The following ALPK2 variants were observed in gnomAD, a reference collection of about 807,000 sequenced individuals.
The protein encoded by ALPK2 is alpha-protein kinase 2.
ALPK2 carries 127 observed loss-of-function variants against 163.1 expected under a neutral mutation model. The ratio of observed to expected loss-of-function variants is 0.78; its 90% CI spans 0.67 to 0.90. The LOEUF is 0.90. Among genes scored for constraint, ALPK2 ranks in the 40% least tolerant of loss-of-function variants. ALPK2 has a pLI of 0.00. For synonymous variants in ALPK2, 953 were observed against 959.1 expected (o/e 0.99, Z 0.12); for missense variants, 2,360 against 2,589.6 (o/e 0.91, Z 1.92).
intron 12 of ALPK2, among the ~76,000 whole-genome samples, 177 bp from the exon 13 acceptor site, chr18:58,482,216 G>T (rs543202203): frequency 6.6e-6 from 1 of 152,160 alleles, no homozygotes; most frequent in Admixed American, 6.5e-5. Flanking sequence ...AACAAAGACT[G>T]TGGAAATAAG....
intron 4 of ALPK2, among the ~76,000 whole-genome samples, chr18:58,562,704 G>T (rs2051831227): frequency 6.6e-6 from 1 of 152,230 alleles, no homozygotes; most frequent in South Asian, 2.1e-4. Flanking sequence ...CGTATATTGG[G>T]TGGCTTAAAT....
chr18:58,604,654 C>T (rs370811205), intron 3 of ALPK2, among the ~76,000 whole-genome samples: 7 of 152,314 alleles, frequency 4.6e-5, no homozygotes, highest in African/African-American at 1.4e-4. Context: ...CAGGGCTCTA[C>T]CAACATTTCT....
At chr18:58,560,515 C>T (rs775882523) in intron 4 of ALPK2, among the ~76,000 whole-genome samples, 7 of 152,166 alleles carry the variant, frequency 4.6e-5, no homozygotes, top group South Asian at 2.1e-4. Flanking sequence ...CTTCTCTGAC[C>T]GATGCTCCTG....
intron 5 of ALPK2, among the ~76,000 whole-genome samples, chr18:58,529,459 A>C (rs1216571543): frequency 6.6e-6 from 1 of 152,218 alleles, no homozygotes; most frequent in Non-Finnish European, 1.5e-5. Context: ...AAAATTCTTT[A>C]GGTGCAGCCT....
At chr18:58,483,368 A>G (rs2144091438) in intron 12 of ALPK2, among the ~76,000 whole-genome samples, 2 of 152,182 alleles carry the variant, frequency 1.3e-5, no homozygotes, top group Middle Eastern at 3.4e-3. Flanking sequence ...AAATTCCTGA[A>G]ACTGCCTGTG....
intron 4 of ALPK2, among the ~76,000 whole-genome samples, chr18:58,568,344 T>C (rs138404175): frequency 3.7e-4 from 56 of 152,308 alleles, no homozygotes; most frequent in African/African-American, 1.3e-3. Flanking sequence ...GGGCAAGGAC[T>C]CCCGAATCCC....
intron 3 of ALPK2, among the ~76,000 whole-genome samples, chr18:58,599,968 G>A (rs1464235970): frequency 6.7e-6 from 1 of 149,702 alleles, no homozygotes; most frequent in Admixed American, 6.7e-5. Flanking sequence ...GAAGTTGATG[G>A]TGACAATTCT....
chr18:58,602,944 C>A (rs1178348205), intron 3 of ALPK2, among the ~76,000 whole-genome samples: 1 of 152,176 alleles, frequency 6.6e-6, no homozygotes, highest in Admixed American at 6.5e-5. Flanking sequence ...GACAGTTTAC[C>A]AATGCCATGG....
chr18:58,606,340 A>G (rs2052097552), intron 3 of ALPK2, among the ~76,000 whole-genome samples: 1 of 152,156 alleles, frequency 6.6e-6, no homozygotes, highest in Admixed American at 6.6e-5. Context: ...TCACCCTCCC[A>G]AAGTGCTGAG....
intron 6 of ALPK2, among the ~76,000 whole-genome samples, chr18:58,525,596 T>C (rs1316540464): frequency 6.6e-6 from 1 of 152,190 alleles, no homozygotes; most frequent in Non-Finnish European, 1.5e-5. Context: ...CAAGGCTTTC[T>C]TCTAGAAGGA....
Position 58,536,524 on chromosome 18 carries a change from C to G in ALPK2, c.3663G>C (p.Glu1221Asp), listed in dbSNP as rs1342983715. The change falls in exon 5 of 13, where the codon GAG becomes GAC. Residue 1221 changes from glutamate to aspartate, a missense_variant. Physicochemically the swap from Glu to Asp is conservative, Grantham distance 45. Transcript: ENST00000361673. ...VPSLSDILLE[E>D]SKEYRPGNWE... is the part of the protein sequence containing the mutation. Reference sequence around the variant, plus strand: ...AATTTCCAGGTCTATATTCTTTAGACTCTTCCAAAAGGATATCAGAGAGAG... The same window carrying G: ...AATTTCCAGGTCTATATTCTTTAGAGTCTTCCAAAAGGATATCAGAGAGAG... 6.2e-7 allele frequency: 1 copy of G among 1,613,746 alleles called. No homozygotes were observed. The highest frequency in any genetic ancestry group is 8.5e-7 in the Non-Finnish European group (1 of 1,180,038).
chr18:58,574,715 C>T (rs529463277), intron 4 of ALPK2, among the ~76,000 whole-genome samples: 269 of 152,276 alleles, frequency 1.8e-3, no homozygotes, highest in Middle Eastern at 6.8e-3. Flanking sequence ...AATTGTCTTC[C>T]GCAAAACCAG....
At chr18:58,504,943 G>C (rs922622799) in intron 10 of ALPK2, among the ~76,000 whole-genome samples, 9 of 152,282 alleles carry the variant, frequency 5.9e-5, no homozygotes, top group African/African-American at 2.2e-4. Flanking sequence ...CACTCCTGGC[G>C]TGCAGCGGGA....
chr18:58,612,958 A>C (rs567481480), intron 1 of ALPK2, among the ~76,000 whole-genome samples: 1 of 152,230 alleles, frequency 6.6e-6, no homozygotes, highest in East Asian at 1.9e-4. Context: ...AGGAACTGCA[A>C]ATCCTGAATC....
intron 3 of ALPK2, among the ~76,000 whole-genome samples, chr18:58,594,188 G>A (rs60695398): frequency 0.11 from 16,735 of 152,118 alleles, 1,001 homozygotes; most frequent in East Asian, 0.17. Flanking sequence ...TCCACTTGGC[G>A]CAGAAGCTCT....
Position 58,536,958 on chromosome 18 carries a change from G to C in ALPK2, c.3229C>G (p.Pro1077Ala), listed in dbSNP as rs143362387. 6.2e-7 allele frequency: 1 copy of C among 1,614,090 alleles called. No homozygotes were observed. Among genetic ancestry groups the C allele is most frequent in the South Asian group, 1.1e-5 (1 of 91,092 alleles). ...KSTKELLCRAPSVPGVPHHVL... is the reference protein window; with the variant it reads ...KSTKELLCRAASVPGVPHHVL... Reference sequence around the variant, plus strand: ...TGGTGTGGGACTCCTGGCACACTGGGTGCCCTGCAAAGTAGCTCTTTTGTA... The same window carrying C: ...TGGTGTGGGACTCCTGGCACACTGGCTGCCCTGCAAAGTAGCTCTTTTGTA... Residue 1077 changes from proline (P) to alanine (A), a missense_variant, in exon 5 of 13, where the codon CCC (proline) becomes GCC (alanine). Pro to Ala is a conservative substitution (Grantham distance 27). Transcript: ENST00000361673.
intron 1 of ALPK2, among the ~76,000 whole-genome samples, chr18:58,612,536 C>A (rs1226491965): frequency 3.3e-5 from 5 of 152,224 alleles, no homozygotes; most frequent in Non-Finnish European, 1.5e-5. Context: ...AGAGGTGGAA[C>A]CTGAGACTCA....
intron 10 of ALPK2, among the ~76,000 whole-genome samples, chr18:58,508,438 G>C (rs754562571): frequency 2.0e-5 from 3 of 152,144 alleles, no homozygotes. Context: ...GAGATAGGAG[G>C]TTAGCACAGG....
At chr18:58,522,683 T>C (rs1186877435) in intron 8 of ALPK2, among the ~76,000 whole-genome samples, 1 of 152,116 alleles carries the variant, frequency 6.6e-6, no homozygotes, top group East Asian at 1.9e-4. Context: ...CAAAACAAGC[T>C]GTAATAAGTC....
Sources: gnomAD v4.1 joint callset for allele counts (sites outside exome capture counted in the v4.1 genomes callset) on GRCh38, gnomAD v4.1.1 for gene constraint, MANE v1.5 for transcripts, NCBI Gene and HGNC (gene_info 2026-07-23, HGNC 2026-07-21) for gene names.